Variants in RAPGEF3 observed in about 807,000 individuals in gnomAD.
RAPGEF3 encodes the protein Rap guanine nucleotide exchange factor 3, also known as 9330170P05Rik.
In RAPGEF3, 103 loss-of-function variants were observed where a neutral mutation model predicts 129.8. That is an observed-to-expected ratio of 0.79 (90% CI 0.68 to 0.93). The LOEUF (loss-of-function observed/expected upper bound fraction) is 0.93, where lower values mean the gene tolerates loss of function less well. Among genes scored for constraint, RAPGEF3 ranks in the 40% least tolerant of loss-of-function variants. RAPGEF3 has a pLI of 0.00. For synonymous variants in RAPGEF3, 436 were observed against 482.6 expected (o/e 0.90, Z 1.26); for missense variants, 1,117 against 1,207.4 (o/e 0.93, Z 1.11).
chr12:47,738,719 C>A lies in RAPGEF3; in HGVS notation c.2497G>T (p.Val833Leu), dbSNP rs749055557. 3.1e-6 allele frequency: 5 copies of A among 1,610,850 alleles called. No homozygotes were observed. The East Asian group carries it at 1.1e-4, about 36-fold the overall frequency. Reference protein sequence around the residue: ...TFIHEGNHTLVENLINFEKMR... With the variant: ...TFIHEGNHTLLENLINFEKMR... ...TTCTCAAAGTTGATGAGATTCTCCA[C>A]TAGTGTGTGGTTTCCCTCATGAATG... The change falls in exon 25 of 28, where the codon GTG becomes TTG. Residue 833 changes from valine (V) to leucine (L), a missense_variant. Physicochemically the swap from Val to Leu is conservative, Grantham distance 32 (BLOSUM62 1). This residue lies in a region of RAPGEF3 where 643 missense variants were observed against 673.4 expected (regional missense o/e 0.95). Coordinates refer to ENST00000449771, the MANE Select transcript of RAPGEF3 (RefSeq NM_001098531.4).
Position 47,749,490 on chromosome 12 carries a change from G to T in RAPGEF3, c.941C>A (p.Ala314Asp), listed in dbSNP as rs766723911. The T allele has an allele frequency of 1.2e-6, 2 of 1,612,720 alleles. No homozygotes were observed. Among genetic ancestry groups the T allele is most frequent in the Non-Finnish European group, 1.7e-6 (2 of 1,179,990 alleles). Residue 314 changes from alanine (A) to aspartate (D), a missense_variant, in exon 10 of 28, where the codon GCT becomes GAT. By Grantham distance (126) the Ala-to-Asp change is moderately radical (BLOSUM62 -2). This residue lies in a region of RAPGEF3 where 107 missense variants were observed against 160.7 expected (regional missense o/e 0.67). Transcript: ENST00000449771. The surrounding 1 kb of genome is among the most constrained non-coding windows in gnomAD (Gnocchi z 4.5). ...TGCCCGGGGTGCATCATTCACCAGA[G>T]CCAGCTGTCCAAAATCATCTCCCTC... ...LHEGDDFGQL[A>D]LVNDAPRAAT...
chr12:47,747,896 G>A, intron 13 of RAPGEF3, 34 bp from the exon 14 acceptor site: 1 of 1,599,420 alleles, frequency 6.3e-7, no homozygotes, highest in Non-Finnish European at 8.5e-7. Flanking sequence ...CAACATCCAA[G>A]CAGGGCCACC....
At chr12:47,744,800 A>C (rs1233274167) in intron 16 of RAPGEF3, 2 of 152,270 alleles carry the variant, frequency 1.3e-5, no homozygotes, top group Non-Finnish European at 2.9e-5. Flanking sequence ...TTCGGACCTC[A>C]ATCCATTGCT....
chr12:47,748,139 G>T lies in RAPGEF3; in HGVS notation c.1257C>A (p.Ser419Arg), dbSNP rs369117866. 1 of 1,582,398 alleles carries T rather than the reference G, an allele frequency of 6.3e-7. No homozygotes were observed. The highest frequency in any genetic ancestry group is 8.6e-7 in the Non-Finnish European group (1 of 1,163,902). The change falls in exon 13 of 28, where the codon AGC becomes AGA. Residue 419 changes from serine (S) to arginine (R), a missense_variant. Transcript: ENST00000449771. The part of the protein sequence containing the change: ...SAHDPTETFL[S>R]DFLLTHRVFM... ...AGACCCTGTGGGTCAGGAGGAAGTC[G>T]CTGAGGAATGTCTCTGTATGACAGG...
Position 47,740,375 on chromosome 12 carries a change from A to G in RAPGEF3, c.2252T>C (p.Leu751Pro). ...LAAHLKEQKN[L>P]NSFFAVMFGL... Reference sequence around the variant, plus strand: ...AAACATGACGGCAAAGAAGGAATTGAGATTCTTCTGCTCCTTGAGGCTGTG... The same window carrying G: ...AAACATGACGGCAAAGAAGGAATTGGGATTCTTCTGCTCCTTGAGGCTGTG... Residue 751 changes from leucine (L) to proline (P), a missense_variant, in exon 22 of 28, where the codon CTC becomes CCC. This residue lies in a region of RAPGEF3 where 643 missense variants were observed against 673.4 expected (regional missense o/e 0.95). Transcript: ENST00000449771. 4 of 1,614,040 alleles carry G rather than the reference A, an allele frequency of 2.5e-6. No homozygotes were observed. The highest frequency in any genetic ancestry group is 3.4e-6 in the Non-Finnish European group (4 of 1,180,016).
At chr12:47,738,564 A>C in intron 25 of RAPGEF3, 126 bp downstream of exon 25, 1 of 900,038 alleles carries the variant, frequency 1.1e-6, no homozygotes, top group Non-Finnish European at 1.8e-6. Context: ...GCTATTACAC[A>C]GTAAGTATTC....
intron 19 of RAPGEF3, 134 bp from the exon 20 acceptor site, chr12:47,741,174 G>A (rs1227317088): frequency 2.7e-6 from 3 of 1,115,178 alleles, no homozygotes; most frequent in Non-Finnish European, 3.8e-6. Flanking sequence ...GGGGAGTAGA[G>A]GGTCTCTAGG....
At chr12:47,738,827 A>C (rs1940957923) in intron 24 of RAPGEF3, 73 bp from the exon 25 acceptor site, 2 of 1,358,898 alleles carry the variant, frequency 1.5e-6, no homozygotes. Flanking sequence ...GGTGAAGGGC[A>C]TAACGGCTCC....
chr12:47,750,852 G>GT (rs1477298788), intron 6 of RAPGEF3, among the ~76,000 whole-genome samples, 196 bp downstream of exon 6: 3 of 115,740 alleles, frequency 2.6e-5, no homozygotes, highest in African/African-American at 9.1e-5. Context: ...AAACTGACTT[G>GT]GGGGGGTTTG....
intron 18 of RAPGEF3, among the ~76,000 whole-genome samples, 186 bp downstream of exon 18, chr12:47,743,344 A>T (rs1005680729): frequency 6.6e-6 from 1 of 152,258 alleles, no homozygotes; most frequent in Non-Finnish European, 1.5e-5. Flanking sequence ...TCCAGAGCTC[A>T]TGCTCTTACA....
chr12:47,740,300 C>G lies in RAPGEF3; in HGVS notation c.2322+5G>C. ...TCAGGAGGGGGCCCTCCAGACCACACTTACCTCCCAGGTGTGGGCTAGGCG... is the reference window on the plus strand; with the variant it reads ...TCAGGAGGGGGCCCTCCAGACCACAGTTACCTCCCAGGTGTGGGCTAGGCG... On this transcript the variant is annotated splice_donor_5th_base_variant and intron_variant, in intron 22 of 27. Transcript: ENST00000449771. 1 of 1,614,028 alleles carries G rather than the reference C, an allele frequency of 6.2e-7. No individual in the cohort carries two copies. Among genetic ancestry groups the G allele is most frequent in the Non-Finnish European group, 8.5e-7 (1 of 1,179,920 alleles).
At chr12:47,752,058 T>A in intron 2 of RAPGEF3, 89 bp from the exon 3 acceptor site, 1 of 1,425,374 alleles carries the variant, frequency 7.0e-7, no homozygotes, top group Non-Finnish European at 9.8e-7. Flanking sequence ...CTCCCACTCT[T>A]GCCTAGGCCC....
At chr12:47,755,811 C>T (rs1343452473) in intron 2 of RAPGEF3, 1 of 152,256 alleles carries the variant, frequency 6.6e-6, no homozygotes, top group Non-Finnish European at 1.5e-5. Context: ...GTGCTGTCTT[C>T]CTGGGACTCG....
chr12:47,750,059 G>A, intron 7 of RAPGEF3, 69 bp from the exon 8 acceptor site: 1 of 1,559,990 alleles, frequency 6.4e-7, no homozygotes, highest in South Asian at 1.1e-5. Flanking sequence ...TTTTGCTAGG[G>A]GTGTGGTTAG....
At position 47,737,169 on chromosome 12, in the gene RAPGEF3, CCTCT is replaced by C. The variant is rs141095639; in HGVS notation, c.*394_*397del. 245 of 228,764 alleles carry C rather than the reference CCTCT, an allele frequency of 1.1e-3. No individual in the cohort carries two copies. Among genetic ancestry groups the C allele is most frequent in the South Asian group, 2.0e-3 (35 of 17,464 alleles). The allele number at this position is 228,764 out of a possible 1,614,324, so 14.2% of individuals were successfully genotyped here. ...TGCCACACACGGTACACACATGCAG[CCTCT>C]CTCTCTCTCTCTGTCCACTGTGAAA... On this transcript the variant is annotated 3_prime_UTR_variant, in exon 28 of 28. Transcript: ENST00000449771.
Position 47,751,847 on chromosome 12 carries a change from C to T in RAPGEF3, c.274-18G>A. On this transcript the variant is annotated intron_variant, in intron 3 of 27. Coordinates refer to ENST00000449771, the MANE Select transcript of RAPGEF3 (RefSeq NM_001098531.4). ...GTGGAGGCCTTAGAGGGAGGAAGGG[C>T]ACAGCAGTTCAGGCTCTGAACCCCT... is the stretch of plus-strand genomic sequence containing the variant. 1 of 1,614,148 alleles carries T rather than the reference C, an allele frequency of 6.2e-7. No homozygotes were observed. Among genetic ancestry groups the T allele is most frequent in the East Asian group, 2.2e-5 (1 of 44,882 alleles).
At chr12:47,741,151 G>T in intron 19 of RAPGEF3, 111 bp from the exon 20 acceptor site, 1 of 1,335,782 alleles carries the variant, frequency 7.5e-7, no homozygotes, top group Admixed American at 2.1e-5. Flanking sequence ...AGGAGGGTTA[G>T]GAGGGCAGGA....
intron 18 of RAPGEF3, among the ~76,000 whole-genome samples, chr12:47,742,505 C>T (rs922684962): frequency 3.9e-5 from 6 of 152,194 alleles, no homozygotes; most frequent in African/African-American, 1.4e-4. Flanking sequence ...ACTTCTTGAA[C>T]GCCCCTAATT....
At position 47,740,050 on chromosome 12, in the gene RAPGEF3, T is replaced by G; in HGVS notation, c.2373+91A>C. 2 of 1,431,876 alleles carry G rather than the reference T, an allele frequency of 1.4e-6. 1 individual carries two copies. Among genetic ancestry groups the G allele is most frequent in the South Asian group, 2.4e-5 (2 of 82,294 alleles). The allele number at this position is 1,431,876 out of a possible 1,614,324, so 88.7% of individuals were successfully genotyped here. A position where few individuals can be genotyped will look rare whatever the true frequency, so the allele number is the denominator to read the frequency against. ...AGTGACAAAGGACGAGTAGAGGGGC[T>G]GCAGGGAAGCCAAGAGTGAGGGTGT... On this transcript the variant is annotated intron_variant, in intron 23 of 27. Coordinates refer to ENST00000449771, the MANE Select transcript of RAPGEF3 (RefSeq NM_001098531.4).
Sources: gnomAD v4.1 joint callset for allele counts (sites outside exome capture counted in the v4.1 genomes callset) on GRCh38, gnomAD v4.1.1 for gene constraint, gnomAD v4.1.1 regional missense constraint, Gnocchi (gnomAD v3.1) non-coding constraint, MANE v1.5 for transcripts, NCBI Gene and HGNC (gene_info 2026-07-23, HGNC 2026-07-21) for gene names.